KATNB1: variants seen among roughly 807,000 people sequenced by gnomAD.
The protein encoded by KATNB1 is katanin p80 WD40 repeat-containing subunit B1.
Under a neutral mutation model 82.3 loss-of-function variants are expected in KATNB1, and 38 were observed. The observed-to-expected ratio is 0.46, with a 90% CI of 0.36 to 0.61. KATNB1 has a LOEUF of 0.61. KATNB1 is among the 20% of genes least tolerant of loss of function. The pLI, the probability that KATNB1 is intolerant of heterozygous loss-of-function variation, is 0.00. For missense variants in KATNB1, 749 were observed against 915.7 expected, an observed-to-expected ratio of 0.82 and a Z score of 2.35; for synonymous variants, 361 against 368.7, an observed-to-expected ratio of 0.98 and a Z score of 0.24.
At position 57,751,031 on chromosome 16, in the gene KATNB1, T is replaced by C. The variant is rs1304908020; in HGVS notation, c.390+104T>C. On this transcript the variant is annotated intron_variant, in intron 5 of 19. Coordinates refer to ENST00000379661, the MANE Select transcript of KATNB1 (RefSeq NM_005886.3). This position sits in a 1 kb window ranked among gnomAD's most constrained non-coding sequence, Gnocchi z 6.3. ...GCCTGCTGAGGGGACCTCTTCCCTTTCTGCAGCCACATCCACACCATCCTA... is the reference window on the plus strand; with the variant it reads ...GCCTGCTGAGGGGACCTCTTCCCTTCCTGCAGCCACATCCACACCATCCTA... 2 of 986,538 alleles carry C rather than the reference T, an allele frequency of 2.0e-6. No homozygotes were observed. Among genetic ancestry groups the C allele is most frequent in the East Asian group, 4.9e-5 (2 of 41,180 alleles). The allele number at this position is 986,538 out of a possible 1,614,324, so 61.1% of individuals were successfully genotyped here. A position where few individuals can be genotyped will look rare whatever the true frequency, so the allele number is the denominator to read the frequency against.
intron 4 of KATNB1, among the ~76,000 whole-genome samples, chr16:57,745,874 C>T (rs1165667251): frequency 6.6e-6 from 1 of 151,990 alleles, no homozygotes; most frequent in Non-Finnish European, 1.5e-5. Context: ...AGTAAAGCTC[C>T]TCCTGTTTCT....
Position 57,750,837 on chromosome 16 carries a change from A to G in KATNB1, c.300A>G (p.Thr100=). 1 of 1,613,930 alleles carries G rather than the reference A, an allele frequency of 6.2e-7. No homozygotes were observed. The highest frequency in any genetic ancestry group is 8.5e-7 in the Non-Finnish European group (1 of 1,179,902). The change falls in exon 5 of 20, where the codon ACA becomes ACG. Residue 100 remains threonine, a synonymous_variant. Transcript: ENST00000379661. ...WDLEAAKILR[T]LMGHKANICS... is the part of the protein sequence containing the mutation. The stretch of plus-strand genomic sequence containing the variant: ...TTTCCTTCTTGTTAGTTCTTCGCAC[A>G]CTCATGGGACACAAAGCCAACATCT...
chr16:57,750,759 A>C, intron 4 of KATNB1, 68 bp from the exon 5 acceptor site: 1 of 1,202,144 alleles, frequency 8.3e-7, no homozygotes, highest in East Asian at 2.3e-5. Context: ...AAATGCCCAC[A>C]GCAGCCCTTC....
In KATNB1 at chr16:57,756,022, C is replaced by T. The variant is rs200775005; in HGVS notation, c.1674C>T (p.Thr558=). The T allele has an allele frequency of 1.6e-5, 26 of 1,611,896 alleles. No individual in the cohort carries two copies. In the Middle Eastern group the frequency reaches 8.2e-4, roughly 51 times the overall value. Residue 558 remains threonine, a synonymous_variant, in exon 18 of 20, where the codon ACC becomes ACT. Transcript: ENST00000379661. The part of the protein sequence containing the change: ...ASLWKLDLCT[T]VLPQIEKLLQ... ...TGTGGAAGCTGGACCTGTGCACCAC[C>T]GTCCTGCCACAGATTGAGAAGCTTC...
At chr16:57,741,940 T>G in intron 3 of KATNB1, 123 bp downstream of exon 3, 1 of 1,177,770 alleles carries the variant, frequency 8.5e-7, no homozygotes. Flanking sequence ...CCCTATCCGC[T>G]GGGGCCCAGC....
intron 13 of KATNB1, 95 bp from the exon 14 acceptor site, chr16:57,754,835 C>G (rs74768522): frequency 7.9e-7 from 1 of 1,259,808 alleles, no homozygotes. Context: ...CTCCATCCCC[C>G]CATTGCAGAT....
Position 57,737,187 on chromosome 16 carries a change from A to G in KATNB1, c.-57A>G. 1 of 1,607,602 alleles carries G rather than the reference A, an allele frequency of 6.2e-7. No individual in the cohort carries two copies. Among genetic ancestry groups the G allele is most frequent in the South Asian group, 1.1e-5 (1 of 90,588 alleles). Reference sequence around the variant, plus strand: ...CTGGGGGGGGATCCACCCCCACCCCACGAGGAAAGCACAGTTTATTTTGTG... The same window carrying G: ...CTGGGGGGGGATCCACCCCCACCCCGCGAGGAAAGCACAGTTTATTTTGTG... On this transcript the variant is annotated 5_prime_UTR_variant, in exon 2 of 20. Transcript: ENST00000379661.
At position 57,756,402 on chromosome 16, in the gene KATNB1, T is replaced by C. The variant is rs1802280; in HGVS notation, c.1765T>C (p.Phe589Leu). 1 of 1,614,026 alleles carries C rather than the reference T, an allele frequency of 6.2e-7. No homozygotes were observed. The highest frequency in any genetic ancestry group is 8.5e-7 in the Non-Finnish European group (1 of 1,180,010). ...CTSLKLILQR[F>L]LPLITDMLAA... ...CTCCCTGAAGCTGATCCTGCAGCGG[T>C]TTCTGCCCCTCATCACAGACATGCT... Residue 589 changes from phenylalanine (F) to leucine (L), a missense_variant, in exon 19 of 20, where the codon TTT becomes CTT. Physicochemically the swap from Phe to Leu is conservative, Grantham distance 22 (BLOSUM62 0). This residue lies in a region of KATNB1 where 95 missense variants were observed against 131.6 expected (regional missense o/e 0.72). Coordinates refer to ENST00000379661, the MANE Select transcript of KATNB1 (RefSeq NM_005886.3).
chr16:57,753,619 C>A, intron 12 of KATNB1, 100 bp downstream of exon 12: 1 of 1,472,888 alleles, frequency 6.8e-7, no homozygotes, highest in Non-Finnish European at 9.3e-7. Context: ...ATCCCTTTAA[C>A]TTCCTCCTAA....
chr16:57,741,574 G>A (rs1567896584), intron 2 of KATNB1, 113 bp from the exon 3 acceptor site: 4 of 1,170,226 alleles, frequency 3.4e-6, no homozygotes, highest in Non-Finnish European at 4.9e-6. Context: ...GAAGGAGGCA[G>A]ATCCTTCCAC....
intron 4 of KATNB1, 65 bp downstream of exon 4, chr16:57,744,576 A>C: frequency 7.3e-7 from 1 of 1,363,122 alleles, no homozygotes; most frequent in Non-Finnish European, 1.0e-6. Context: ...CTGCAGTTGT[A>C]CTGCTTCCTC....
Position 57,744,283 on chromosome 16 carries a change from C to T in KATNB1, c.172-111C>T, listed in dbSNP as rs182903070. On this transcript the variant is annotated intron_variant, in intron 3 of 19. Coordinates refer to ENST00000379661, the MANE Select transcript of KATNB1 (RefSeq NM_005886.3). ...GGCTGTGGCCCCCATGGGGCTCCCCCTCCTGCCTTAGCCATTTCTTGCTGA... is the reference window on the plus strand; with the variant it reads ...GGCTGTGGCCCCCATGGGGCTCCCCTTCCTGCCTTAGCCATTTCTTGCTGA... The T allele has an allele frequency of 1.0e-4, 94 of 920,770 alleles. 3 individuals carry two copies. In the African/African-American group the frequency reaches 1.1e-3, roughly 11 times the overall value. The allele number at this position is 920,770 out of a possible 1,614,324, so 57.0% of individuals were successfully genotyped here. A position where few individuals can be genotyped will look rare whatever the true frequency, so the allele number is the denominator to read the frequency against.
chr16:57,752,247 C>T lies in KATNB1; in HGVS notation c.632+192C>T, dbSNP rs1555583519. ...ATCTCCCCTGGCTCTGGTTCCCTGG[C>T]CCCAGTGTCCCAGGTCTGTGGCTTC... On this transcript the variant is annotated intron_variant, in intron 8 of 19. Transcript: ENST00000379661. 6 of 640,404 alleles carry T rather than the reference C, an allele frequency of 9.4e-6. No individual in the cohort carries two copies. In the East Asian group the frequency reaches 1.6e-4, roughly 17 times the overall value. The allele number at this position is 640,404 out of a possible 1,614,324, so 39.7% of individuals were successfully genotyped here.
In KATNB1 at chr16:57,755,537, C is replaced by A. The variant is rs782713109; in HGVS notation, c.1566+43C>A. ...CACAGGGCCTCATCTCGCCCCCCTG[C>A]CCCTGCCACCTGCCTGCCCGGGCTT... On this transcript the variant is annotated intron_variant, in intron 16 of 19. Transcript: ENST00000379661. The A allele has an allele frequency of 6.9e-6, 11 of 1,591,208 alleles. No homozygotes were observed. In the South Asian group the frequency reaches 1.0e-4, roughly 15 times the overall value.
At chr16:57,736,195 G>C (rs2049098199) in intron 1 of KATNB1, 1 of 152,736 alleles carries the variant, frequency 6.5e-6, no homozygotes, top group Non-Finnish European at 1.5e-5. Flanking sequence ...GCAGTAACGG[G>C]AGTCTGGCGA....
chr16:57,743,245 A>C (rs2049156419), intron 3 of KATNB1, among the ~76,000 whole-genome samples: 1 of 152,200 alleles, frequency 6.6e-6, no homozygotes. Context: ...GTAAGCCGAG[A>C]TGGTGCCACT....
intron 2 of KATNB1, among the ~76,000 whole-genome samples, chr16:57,738,055 T>C (rs1334275554): frequency 6.6e-6 from 1 of 152,218 alleles, no homozygotes; most frequent in East Asian, 1.9e-4. Context: ...AAAATCCTTT[T>C]GTCTTCTCAG....
At chr16:57,744,631 A>G in intron 4 of KATNB1, 120 bp downstream of exon 4, 1 of 828,092 alleles carries the variant, frequency 1.2e-6, no homozygotes, top group Non-Finnish European at 2.0e-6. Flanking sequence ...CTCCTGGAGC[A>G]CTAACCCGGC....
intron 9 of KATNB1, 79 bp from the exon 10 acceptor site, chr16:57,752,699 C>A: frequency 6.4e-7 from 1 of 1,562,628 alleles, no homozygotes; most frequent in Non-Finnish European, 8.7e-7. Context: ...GCCCTCCCTG[C>A]CCTGGGCCCT....
Sources: gnomAD v4.1 joint callset for allele counts (sites outside exome capture counted in the v4.1 genomes callset) on GRCh38, gnomAD v4.1.1 for gene constraint, gnomAD v4.1.1 regional missense constraint, Gnocchi (gnomAD v3.1) non-coding constraint, MANE v1.5 for transcripts, NCBI Gene and HGNC (gene_info 2026-07-23, HGNC 2026-07-21) for gene names.